OR2C1: variants seen among roughly 807,000 people sequenced by gnomAD.
OR2C1 encodes olfactory receptor 2C1.
For missense variants in OR2C1, 468 were observed against 388.3 expected, an observed-to-expected ratio of 1.21 and a Z score of -1.73; for synonymous variants, 209 against 167.3, an observed-to-expected ratio of 1.25 and a Z score of -1.92.
chr16:3,346,242 T>C, the OR2C1 span, among the ~76,000 whole-genome samples: 1 of 152,170 alleles, frequency 6.6e-6, no homozygotes, highest in South Asian at 2.1e-4. Flanking sequence ...GCAAACTCCC[T>C]GAGGGCATGG....
Position 3,356,068 on chromosome 16 carries a change from C to G in OR2C1, c.128C>G (p.Ser43Ter). ...FSYLLTLLGN[S>*]TIILLSRLEA... ...TATTTGCTGACCCTACTTGGGAACT[C>G]AACCATCATCTTGCTTTCCCGCCTG... Residue 43 changes from serine to a stop codon, truncating the protein, a stop_gained, in exon 1 of 1, where the codon TCA (serine) becomes TGA (stop). Transcript: ENST00000304936. LOFTEE classifies it low-confidence loss of function (END_TRUNC). 6.2e-6 allele frequency: 10 copies of G among 1,614,178 alleles called. No individual in the cohort carries two copies. The highest frequency in any genetic ancestry group is 8.5e-6 in the Non-Finnish European group (10 of 1,180,032).
At chr16:3,351,222 T>TTC (rs1319936269), upstream of OR2C1, among the ~76,000 whole-genome samples, 628 of 6,244 alleles carry the variant, frequency 0.1, 19 homozygotes, top group African/African-American at 0.21. Context: ...TTCTTTTTCT[T>TTC]TTTCTTTTTT....
chr16:3,328,587 G>C, the OR2C1 span, among the ~76,000 whole-genome samples: 1 of 152,300 alleles, frequency 6.6e-6, no homozygotes, highest in South Asian at 2.1e-4. Flanking sequence ...ATGTAAGCTT[G>C]GATAGGTAGC....
chr16:3,324,119 TA>T, the OR2C1 span, among the ~76,000 whole-genome samples: 1 of 152,246 alleles, frequency 6.6e-6, no homozygotes, highest in Non-Finnish European at 1.5e-5. Flanking sequence ...TTTGTAGCAT[TA>T]GAAAAATTCC....
chr16:3,336,923 G>C, the OR2C1 span, among the ~76,000 whole-genome samples: 4 of 151,698 alleles, frequency 2.6e-5, no homozygotes, highest in Admixed American at 6.6e-5. Flanking sequence ...GGTCAGGCTG[G>C]TCTCGAACTC....
Position 3,356,995 on chromosome 16 carries a change from T to C in OR2C1, c.*116T>C, listed in dbSNP as rs2030692709. The stretch of plus-strand genomic sequence containing the variant: ...TTCCGGTAAAACCAAGGCATGTTCC[T>C]GACAGCCCTAAGCTGACAGCCCTAA... On this transcript the variant is annotated 3_prime_UTR_variant, in exon 1 of 1. Coordinates refer to ENST00000304936, the MANE Select transcript of OR2C1 (RefSeq NM_012368.3). The C allele has an allele frequency of 2.2e-6, 2 of 897,648 alleles. No individual in the cohort carries two copies. Among genetic ancestry groups the C allele is most frequent in the South Asian group, 1.8e-5 (1 of 56,308 alleles). 55.6% of individuals were successfully genotyped at this position (897,648 alleles called of 1,614,324 possible).
chr16:3,356,305 G>T lies in OR2C1; in HGVS notation c.365G>T (p.Arg122Leu), dbSNP rs201906964. 1.2e-6 allele frequency: 2 copies of T among 1,613,348 alleles called. No individual in the cohort carries two copies. The highest frequency in any genetic ancestry group is 1.7e-5 in the Admixed American group (1 of 60,014). ...CTGCTGGTGGTGATGGCATTTGACCGCTACGTGGCAGTGTGCCGGCCCCTC... is the reference window on the plus strand; with the variant it reads ...CTGCTGGTGGTGATGGCATTTGACCTCTACGTGGCAGTGTGCCGGCCCCTC... ...CILLVVMAFD[R>L]YVAVCRPLRY... is the part of the protein sequence containing the mutation. The change falls in exon 1 of 1, where the codon CGC (arginine) becomes CTC (leucine). Residue 122 changes from arginine (R) to leucine (L), a missense_variant. Transcript: ENST00000304936.
the OR2C1 span, among the ~76,000 whole-genome samples, chr16:3,345,852 C>G: frequency 6.7e-6 from 1 of 148,742 alleles, no homozygotes; most frequent in Non-Finnish European, 1.5e-5. Context: ...TCCTCCCTCC[C>G]TCCCTCCCTC....
the OR2C1 span, among the ~76,000 whole-genome samples, chr16:3,331,890 G>A: frequency 6.6e-6 from 1 of 151,510 alleles, no homozygotes; most frequent in Non-Finnish European, 1.5e-5. Context: ...GGAATACTAT[G>A]CAGCCATAAA....
the OR2C1 span, among the ~76,000 whole-genome samples, chr16:3,324,132 A>G: frequency 6.6e-6 from 1 of 152,230 alleles, no homozygotes; most frequent in Non-Finnish European, 1.5e-5. Flanking sequence ...AAAAATTCCT[A>G]AAATATTTAG....
chr16:3,336,410 G>A, the OR2C1 span, among the ~76,000 whole-genome samples: 1 of 152,004 alleles, frequency 6.6e-6, no homozygotes, highest in South Asian at 2.1e-4. Context: ...TGCTCAGGCT[G>A]CAGTGCAGTG....
At chr16:3,328,351 T>C in the OR2C1 span, among the ~76,000 whole-genome samples, 2 of 152,228 alleles carry the variant, frequency 1.3e-5, no homozygotes, top group Admixed American at 1.3e-4. Flanking sequence ...AAATCAACAC[T>C]TAAATTAACC....
chr16:3,327,967 A>G, the OR2C1 span, among the ~76,000 whole-genome samples: 2 of 152,172 alleles, frequency 1.3e-5, no homozygotes, highest in South Asian at 4.1e-4. Flanking sequence ...GCATTTGACC[A>G]TCCCATTTGG....
upstream of OR2C1, among the ~76,000 whole-genome samples, chr16:3,355,573 A>C (rs190754325): frequency 6.6e-6 from 1 of 152,100 alleles, no homozygotes; most frequent in East Asian, 1.9e-4. Flanking sequence ...CTTGAGCCCA[A>C]GAGTTGGAGA....
At chr16:3,340,547 G>A in the OR2C1 span, among the ~76,000 whole-genome samples, 15 of 152,244 alleles carry the variant, frequency 9.9e-5, no homozygotes, top group Non-Finnish European at 2.2e-4. Flanking sequence ...AGATTTACCC[G>A]TGTTTCCTTC....
At chr16:3,357,817 A>G (rs921342669), downstream of OR2C1, among the ~76,000 whole-genome samples, 2 of 151,900 alleles carry the variant, frequency 1.3e-5, no homozygotes, top group East Asian at 2.0e-4. Flanking sequence ...CACTGTCTCC[A>G]CTAAAAATAC....
chr16:3,324,727 C>T, the OR2C1 span, among the ~76,000 whole-genome samples: 3 of 152,004 alleles, frequency 2.0e-5, no homozygotes, highest in Non-Finnish European at 4.4e-5. Flanking sequence ...TCTGGGACTG[C>T]AGGTGCATGC....
At chr16:3,340,804 G>C in the OR2C1 span, among the ~76,000 whole-genome samples, 16 of 152,028 alleles carry the variant, frequency 1.1e-4, no homozygotes, top group Admixed American at 1.0e-3. Flanking sequence ...TTCTATTCCA[G>C]TAGTTTATGT....
At chr16:3,323,186 C>T in the OR2C1 span, 2 of 677,668 alleles carry the variant, frequency 3.0e-6, no homozygotes, top group African/African-American at 3.6e-5. Flanking sequence ...GCACCTGGGT[C>T]TAGTTCAGCT....
Sources: gnomAD v4.1 joint callset for allele counts (sites outside exome capture counted in the v4.1 genomes callset) on GRCh38, gnomAD v4.1.1 for gene constraint, MANE v1.5 for transcripts, NCBI Gene and HGNC (gene_info 2026-07-23, HGNC 2026-07-21) for gene names.